ABTB3: variants seen among roughly 807,000 people sequenced by gnomAD.
The protein encoded by ABTB3 is ankyrin repeat and BTB domain containing 3.
At chr12:107,526,372 G>T in the ABTB3 span, among the ~76,000 whole-genome samples, 4 of 152,026 alleles carry the variant, frequency 2.6e-5, no homozygotes, top group Non-Finnish European at 4.4e-5. Context: ...AGTTCGGTGG[G>T]CGGTCCAGTT....
the ABTB3 span, among the ~76,000 whole-genome samples, chr12:107,444,387 G>C: frequency 6.6e-6 from 1 of 152,116 alleles, no homozygotes; most frequent in South Asian, 2.1e-4. Context: ...GGCCTGTTAG[G>C]GACACTGGCC....
At chr12:107,533,998 A>G in the ABTB3 span, among the ~76,000 whole-genome samples, 2 of 152,230 alleles carry the variant, frequency 1.3e-5, no homozygotes, top group Admixed American at 6.5e-5. Context: ...ACACTAAACA[A>G]CATGCTTCTA....
chr12:107,585,605 G>T, the ABTB3 span, among the ~76,000 whole-genome samples: 1 of 152,192 alleles, frequency 6.6e-6, no homozygotes, highest in African/African-American at 2.4e-5. Flanking sequence ...CTAACGAATT[G>T]CACCACTCTA....
At chr12:107,523,409 C>T in the ABTB3 span, among the ~76,000 whole-genome samples, 42 of 152,316 alleles carry the variant, frequency 2.8e-4, no homozygotes, top group Admixed American at 5.9e-4. Context: ...TTGGGAGTTA[C>T]AACACCTTTG....
chr12:107,535,584 A>G, the ABTB3 span, among the ~76,000 whole-genome samples: 5 of 152,318 alleles, frequency 3.3e-5, no homozygotes, highest in South Asian at 1.0e-3. Context: ...AGCATACCAA[A>G]TCAACATACA....
At chr12:107,482,914 T>TTTCTC in the ABTB3 span, among the ~76,000 whole-genome samples, 79 of 43,210 alleles carry the variant, frequency 1.8e-3, 2 homozygotes, top group African/African-American at 9.7e-3. Flanking sequence ...CTCTTTCTTC[T>TTTCTC]TCTTTCTTTC....
chr12:107,389,109 A>G, the ABTB3 span, among the ~76,000 whole-genome samples: 1 of 152,354 alleles, frequency 6.6e-6, no homozygotes, highest in South Asian at 2.1e-4. Flanking sequence ...GCACTTCTGT[A>G]CTTCAAAGAT....
At chr12:107,523,907 T>TGA in the ABTB3 span, among the ~76,000 whole-genome samples, 1 of 152,196 alleles carries the variant, frequency 6.6e-6, no homozygotes, top group Non-Finnish European at 1.5e-5. Flanking sequence ...TCACACCATG[T>TGA]GGCCCACACA....
chr12:107,621,277 G>A, the ABTB3 span, among the ~76,000 whole-genome samples: 5 of 152,202 alleles, frequency 3.3e-5, no homozygotes, highest in Admixed American at 6.5e-5. Flanking sequence ...GGGAGCAGGT[G>A]CACCAGGCCT....
At chr12:107,368,231 C>T in the ABTB3 span, among the ~76,000 whole-genome samples, 4 of 152,198 alleles carry the variant, frequency 2.6e-5, no homozygotes, top group Admixed American at 2.0e-4. Context: ...CCATTCAACA[C>T]GGCAGAGAGA....
chr12:107,495,998 C>T, the ABTB3 span, among the ~76,000 whole-genome samples: 1 of 152,130 alleles, frequency 6.6e-6, no homozygotes, highest in African/African-American at 2.4e-5. Flanking sequence ...CTCAATTCTG[C>T]CACTGTTGCT....
the ABTB3 span, among the ~76,000 whole-genome samples, chr12:107,528,304 T>G: frequency 4.6e-5 from 7 of 152,248 alleles, no homozygotes; most frequent in Non-Finnish European, 7.3e-5. Context: ...TATATTTTTA[T>G]GAGTACTAGG....
the ABTB3 span, among the ~76,000 whole-genome samples, chr12:107,555,317 G>C: frequency 6.6e-6 from 1 of 152,168 alleles, no homozygotes; most frequent in Non-Finnish European, 1.5e-5. Flanking sequence ...TCCAGGGCTT[G>C]TCAAACAGCT....
chr12:107,499,483 C>T, the ABTB3 span, among the ~76,000 whole-genome samples: 2 of 151,936 alleles, frequency 1.3e-5, no homozygotes, highest in Non-Finnish European at 2.9e-5. Flanking sequence ...AATTAACTCA[C>T]GAATTTGCCC....
the ABTB3 span, among the ~76,000 whole-genome samples, chr12:107,348,859 G>A: frequency 6.6e-6 from 1 of 152,168 alleles, no homozygotes; most frequent in Non-Finnish European, 1.5e-5. Flanking sequence ...TTTTAGACAG[G>A]GCACCTGGGA....
the ABTB3 span, among the ~76,000 whole-genome samples, chr12:107,560,495 C>T: frequency 6.6e-6 from 1 of 151,816 alleles, no homozygotes; most frequent in Non-Finnish European, 1.5e-5. Flanking sequence ...TGCAAGCTTT[C>T]TAGAGCAACA....
the ABTB3 span, chr12:107,640,286 C>A: frequency 2.2e-6 from 3 of 1,367,802 alleles, no homozygotes; most frequent in Admixed American, 1.9e-5. Context: ...ACTAAAGCTA[C>A]CTTTTTTTCC....
chr12:107,390,924 G>A, the ABTB3 span, among the ~76,000 whole-genome samples: 1 of 152,176 alleles, frequency 6.6e-6, no homozygotes, highest in African/African-American at 2.4e-5. Flanking sequence ...GCCAAAGTGG[G>A]TGGATCACCT....
the ABTB3 span, among the ~76,000 whole-genome samples, chr12:107,355,652 A>C: frequency 2.0e-5 from 3 of 152,188 alleles, no homozygotes; most frequent in Non-Finnish European, 4.4e-5. Flanking sequence ...AATTGCATCT[A>C]ACAGGTTTAT....
Sources: gnomAD v4.1 joint callset for allele counts (sites outside exome capture counted in the v4.1 genomes callset) on GRCh38, gnomAD v4.1.1 for gene constraint, MANE v1.5 for transcripts, NCBI Gene and HGNC (gene_info 2026-07-23, HGNC 2026-07-21) for gene names.